CHCHD3: variants seen among roughly 807,000 people sequenced by gnomAD.
The protein encoded by CHCHD3 is coiled-coil-helix-coiled-coil-helix domain containing 3, also known as MICOS complex subunit MIC19.
In CHCHD3, 20 loss-of-function variants were observed where a neutral mutation model predicts 38.2. The ratio of observed to expected loss-of-function variants is 0.52; its 90% CI spans 0.37 to 0.76. The LOEUF is 0.76. CHCHD3 is among the 30% of genes least tolerant of loss of function. The pLI is 0.00. For missense variants in CHCHD3, 245 were observed against 279.2 expected (o/e 0.88, Z 0.87); for synonymous variants, 82 against 100.0 (o/e 0.82, Z 1.07).
At chr7:132,806,082 T>C (rs1203196652) in intron 6 of CHCHD3, among the ~76,000 whole-genome samples, 2 of 151,954 alleles carry the variant, frequency 1.3e-5, no homozygotes, top group Non-Finnish European at 2.9e-5. Flanking sequence ...AGTCCATACC[T>C]GGGGGTGACA....
In CHCHD3 at chr7:133,000,513, A is replaced by G. The variant is rs557131883; in HGVS notation, c.251+24033T>C. On this transcript the variant is annotated intron_variant, in intron 3 of 7. Transcript: ENST00000262570. ...AAAATGTCTACAAGGACACAAAAAA[A>G]AAATTAATGATGGTTACCATTGGGG... 3.5e-4 allele frequency among the ~76,000 whole-genome samples: 53 copies of G among 152,330 alleles called. 2 individuals carry two copies. In the South Asian group the frequency reaches 0.011, roughly 32 times the overall value.
chr7:132,915,916 G>A (rs1377049604), intron 4 of CHCHD3, among the ~76,000 whole-genome samples: 1 of 151,030 alleles, frequency 6.6e-6, no homozygotes, highest in Non-Finnish European at 1.5e-5. Context: ...ATTGTGCTTT[G>A]TGGTGAGTTT....
intron 5 of CHCHD3, among the ~76,000 whole-genome samples, chr7:132,854,780 G>A (rs186955927): frequency 2.3e-3 from 348 of 151,906 alleles, no homozygotes; most frequent in Non-Finnish European, 3.9e-3. Context: ...ATTTAGTTAT[G>A]TGATTCCACT....
At chr7:132,985,691 A>G (rs1812094564) in intron 3 of CHCHD3, among the ~76,000 whole-genome samples, 1 of 62,594 alleles carries the variant, frequency 1.6e-5, no homozygotes, top group African/African-American at 6.3e-5. Context: ...GGGGGGGGTC[A>G]GCCCCCCGCC....
chr7:133,068,656 T>C (rs557411956), intron 2 of CHCHD3, among the ~76,000 whole-genome samples: 62 of 152,290 alleles, frequency 4.1e-4, no homozygotes, highest in African/African-American at 1.4e-3. Context: ...CAGTTATCTA[T>C]CTGGATTGGA....
At chr7:133,034,529 TTCA>T in intron 2 of CHCHD3, 8 of 557,266 alleles carry the variant, frequency 1.4e-5, no homozygotes, top group African/African-American at 4.2e-5. Context: ...TTTTTTTTTT[TTCA>T]ATGTTCAGTT....
chr7:133,046,172 T>C (rs1476816053), intron 2 of CHCHD3, among the ~76,000 whole-genome samples: 2 of 152,202 alleles, frequency 1.3e-5, no homozygotes, highest in Admixed American at 1.3e-4. Context: ...TAAATGTTTA[T>C]AAACATGAGA....
chr7:132,940,561 C>T (rs184268105), intron 4 of CHCHD3, among the ~76,000 whole-genome samples: 8 of 152,222 alleles, frequency 5.3e-5, no homozygotes, highest in South Asian at 2.1e-4. Context: ...AAACCATGGC[C>T]GTCCTTAGGA....
intron 4 of CHCHD3, among the ~76,000 whole-genome samples, chr7:132,932,642 T>C (rs899914256): frequency 8.5e-5 from 13 of 152,226 alleles, no homozygotes; most frequent in African/African-American, 3.1e-4. Flanking sequence ...AGACCACTGA[T>C]AGACACATAT....
At chr7:132,884,046 G>T (rs895723219) in intron 5 of CHCHD3, among the ~76,000 whole-genome samples, 3 of 151,988 alleles carry the variant, frequency 2.0e-5, no homozygotes, top group Non-Finnish European at 4.4e-5. Flanking sequence ...TCCCCTGTCG[G>T]CACTCAGACC....
chr7:132,862,615 C>T (rs550761697), intron 5 of CHCHD3, among the ~76,000 whole-genome samples: 1 of 152,216 alleles, frequency 6.6e-6, no homozygotes, highest in South Asian at 2.1e-4. Flanking sequence ...TGAAGTTTGC[C>T]ACATCAATTC....
intron 6 of CHCHD3, among the ~76,000 whole-genome samples, chr7:132,828,421 T>G (rs769873465): frequency 6.6e-6 from 1 of 152,172 alleles, no homozygotes; most frequent in Non-Finnish European, 1.5e-5. Flanking sequence ...CTTTTGCCCA[T>G]GAAAAAAATT....
intron 6 of CHCHD3, among the ~76,000 whole-genome samples, chr7:132,810,596 T>C (rs1807042813): frequency 6.6e-6 from 1 of 152,146 alleles, no homozygotes. Flanking sequence ...ATTCTCCAAA[T>C]GATTATGATG....
intron 6 of CHCHD3, among the ~76,000 whole-genome samples, chr7:132,810,042 A>G (rs1807027764): frequency 6.6e-6 from 1 of 152,212 alleles, no homozygotes; most frequent in South Asian, 2.1e-4. Context: ...TGGGAAATGG[A>G]TATGTTTAAG....
At chr7:132,967,625 TTAAATAAATAAA>T (rs72008953) in intron 4 of CHCHD3, among the ~76,000 whole-genome samples, 1,684 of 140,008 alleles carry the variant, frequency 0.012, 22 homozygotes, top group African/African-American at 0.026. Context: ...ATGCTGTTTC[TTAAATAAATAAA>T]TAAATAAATA....
chr7:133,032,003 A>T (rs1813517545), intron 2 of CHCHD3, among the ~76,000 whole-genome samples: 1 of 152,192 alleles, frequency 6.6e-6, no homozygotes, highest in Admixed American at 6.5e-5. Context: ...TACAACACCA[A>T]GTATATTAGA....
chr7:133,075,763 T>C (rs1814970901), intron 1 of CHCHD3, among the ~76,000 whole-genome samples: 1 of 152,192 alleles, frequency 6.6e-6, no homozygotes, highest in African/African-American at 2.4e-5. Context: ...AGCCTCTGTG[T>C]AAGAAGTATC....
At chr7:133,011,860 T>G (rs2117413051) in intron 3 of CHCHD3, among the ~76,000 whole-genome samples, 1 of 152,344 alleles carries the variant, frequency 6.6e-6, no homozygotes, top group South Asian at 2.1e-4. Context: ...ACAGTTAATA[T>G]TCTTTCTGTT....
intron 4 of CHCHD3, among the ~76,000 whole-genome samples, chr7:132,898,629 G>A (rs1809573995): frequency 6.6e-6 from 1 of 152,246 alleles, no homozygotes; most frequent in African/African-American, 2.4e-5. Flanking sequence ...TTGGGTGGTC[G>A]ATGGGACTGG....
Sources: gnomAD v4.1 joint callset for allele counts (sites outside exome capture counted in the v4.1 genomes callset) on GRCh38, gnomAD v4.1.1 for gene constraint, MANE v1.5 for transcripts, NCBI Gene and HGNC (gene_info 2026-07-23, HGNC 2026-07-21) for gene names.